Variants in ZCWPW1 observed in about 807,000 individuals in gnomAD.
The protein encoded by ZCWPW1 is zinc finger CW-type and PWWP domain containing 1.
A neutral mutation model predicts 81.3 loss-of-function variants in ZCWPW1; 56 were observed. The ratio of observed to expected loss-of-function variants is 0.69; its 90% CI spans 0.56 to 0.86. The LOEUF is 0.86. Ranked by LOEUF, ZCWPW1 falls within the 40% of genes least tolerant of loss-of-function variation. ZCWPW1 has a pLI of 0.00. For missense variants in ZCWPW1, 650 were observed against 769.8 expected (o/e 0.84, Z 1.84); for synonymous variants, 250 against 273.7 (o/e 0.91, Z 0.86).
rs919379773 is a variant in ZCWPW1 at position 100,400,935 on chromosome 7, T to C, written c.*79A>G. ...ACACACATTTGAACCTCATAGCCAATGAACAGACCCAGCACTTAGCAACTT... is the reference window on the plus strand; with the variant it reads ...ACACACATTTGAACCTCATAGCCAACGAACAGACCCAGCACTTAGCAACTT... On this transcript the variant is annotated 3_prime_UTR_variant, in exon 18 of 18. Coordinates refer to ENST00000684423, the MANE Select transcript of ZCWPW1 (RefSeq NM_001386010.1). The C allele has an allele frequency of 2.1e-6, 3 of 1,424,404 alleles. No homozygotes were observed. The highest frequency in any genetic ancestry group is 1.9e-6 in the Non-Finnish European group (2 of 1,074,142). 88.2% of individuals were successfully genotyped at this position (1,424,404 alleles called of 1,614,324 possible). A position where few individuals can be genotyped will look rare whatever the true frequency, so the allele number is the denominator to read the frequency against.
intron 8 of ZCWPW1, among the ~76,000 whole-genome samples, chr7:100,412,283 A>C (rs903632473): frequency 1.3e-5 from 2 of 152,240 alleles, no homozygotes; most frequent in African/African-American, 4.8e-5. Context: ...GAGATTCCTA[A>C]GCCGCCTTGC....
chr7:100,411,268 A>T (rs1183718007), intron 8 of ZCWPW1, among the ~76,000 whole-genome samples: 2 of 149,882 alleles, frequency 1.3e-5, no homozygotes, highest in Non-Finnish European at 3.0e-5. Flanking sequence ...TTTCGCAATT[A>T]CTTTTTTTTT....
intron 2 of ZCWPW1, among the ~76,000 whole-genome samples, chr7:100,423,840 G>A (rs1463301849): frequency 2.6e-5 from 4 of 152,214 alleles, no homozygotes; most frequent in Non-Finnish European, 2.9e-5. Flanking sequence ...AGGCTGAAGC[G>A]AGTGGATCAC....
intron 2 of ZCWPW1, among the ~76,000 whole-genome samples, chr7:100,422,929 T>C (rs1370340839): frequency 6.6e-6 from 1 of 152,242 alleles, no homozygotes; most frequent in Non-Finnish European, 1.5e-5. Context: ...TTTATATGGC[T>C]GCATAGTATT....
At position 100,420,380 on chromosome 7, in the gene ZCWPW1, T is replaced by TAA. The variant is rs528939785; in HGVS notation, c.28+241_28+242insTT. Among the ~76,000 whole-genome samples, 10 of 152,326 alleles carry TAA rather than the reference T, an allele frequency of 6.6e-5. No individual in the cohort carries two copies. In the South Asian group the frequency reaches 1.7e-3, roughly 25 times the overall value. ...AATACTCTGCACATAACTGGTGGCA[T>TAA]TTACCACATTCAACTTTATGATAGG... On this transcript the variant is annotated intron_variant, in intron 3 of 17. Transcript: ENST00000684423.
chr7:100,428,130 C>T (rs1157196329), intron 1 of ZCWPW1, among the ~76,000 whole-genome samples: 1 of 152,198 alleles, frequency 6.6e-6, no homozygotes, highest in African/African-American at 2.4e-5. Flanking sequence ...AGCACCTTCA[C>T]CTACAACCAG....
intron 8 of ZCWPW1, among the ~76,000 whole-genome samples, chr7:100,414,568 C>T (rs1794821162): frequency 6.6e-6 from 1 of 152,046 alleles, no homozygotes; most frequent in African/African-American, 2.4e-5. Flanking sequence ...GGCACTACCA[C>T]TACATCCAGC....
In ZCWPW1 at chr7:100,402,579, G is replaced by A. The variant is rs1270049926; in HGVS notation, c.1414-3C>T. 8.7e-6 allele frequency: 14 copies of A among 1,613,880 alleles called. No homozygotes were observed. Among genetic ancestry groups the A allele is most frequent in the Non-Finnish European group, 1.2e-5 (14 of 1,179,916 alleles). On this transcript the variant is annotated splice_region_variant and splice_polypyrimidine_tract_variant and intron_variant, in intron 15 of 17. Transcript: ENST00000684423. ...TTACGAATGGGCAAAATTGGGTCCT[G>A]AGGATGGGAGAGAAAGTTTAAAAAA...
At chr7:100,413,487 A>G (rs1313710410) in intron 8 of ZCWPW1, among the ~76,000 whole-genome samples, 3 of 152,188 alleles carry the variant, frequency 2.0e-5, no homozygotes, top group Admixed American at 6.5e-5. Flanking sequence ...GCCCAATCTT[A>G]CTTCCTCTCA....
intron 1 of ZCWPW1, among the ~76,000 whole-genome samples, chr7:100,425,366 G>A (rs150146289): frequency 2.0e-5 from 3 of 152,194 alleles, no homozygotes; most frequent in Non-Finnish European, 4.4e-5. Flanking sequence ...AAAAGAACCA[G>A]TACAGTTCCA....
chr7:100,406,878 TGGGA>T, intron 11 of ZCWPW1, 80 bp from the exon 12 acceptor site: 4 of 1,317,906 alleles, frequency 3.0e-6, no homozygotes, highest in Non-Finnish European at 4.3e-6. Context: ...ATCGGGAGAA[TGGGA>T]ATTCACCCAG....
Position 100,401,063 on chromosome 7 carries a change from TGCTGCAGCTCCCCGCTCTGCCCCA to T in ZCWPW1, c.1877_1900del (p.Leu626_Gln633del), listed in dbSNP as rs1229044522. ...GAAGTCCTCGCCATCACTGTTGCTGTGCTGCAGCTCCCCGCTCTGCCCCAGCTCTCTCCCAACATCTTCCATGAG... is the reference window on the plus strand; with the variant it reads ...GAAGTCCTCGCCATCACTGTTGCTGTGCTCTCTCCCAACATCTTCCATGAG... On this transcript the variant is annotated inframe_deletion, in exon 18 of 18. Transcript: ENST00000684423. 2 of 1,613,996 alleles carry T rather than the reference TGCTGCAGCTCCCCGCTCTGCCCCA, an allele frequency of 1.2e-6. No homozygotes were observed. Among genetic ancestry groups the T allele is most frequent in the African/African-American group, 2.7e-5 (2 of 74,944 alleles).
At chr7:100,427,867 G>T (rs1797984146) in intron 1 of ZCWPW1, among the ~76,000 whole-genome samples, 1 of 151,370 alleles carries the variant, frequency 6.6e-6, no homozygotes, top group Non-Finnish European at 1.5e-5. Context: ...TGAGCCACAC[G>T]TCCCCCTCTC....
rs1470022710 is a variant in ZCWPW1 at position 100,428,659 on chromosome 7, C to G, written c.-228G>C. 1 of 152,352 alleles carries G rather than the reference C, an allele frequency of 6.6e-6. No homozygotes were observed. The highest frequency in any genetic ancestry group is 1.5e-5 in the Non-Finnish European group (1 of 68,130). 9.4% of individuals were successfully genotyped at this position (152,352 alleles called of 1,614,324 possible). A position where few individuals can be genotyped will look rare whatever the true frequency, so the allele number is the denominator to read the frequency against. On this transcript the variant is annotated 5_prime_UTR_variant, in exon 1 of 18. An upstream start codon of the reference 5' UTR is lost. Transcript: ENST00000684423. ...CCGCTGGCAGGGAGACCGGGCGGCG[C>G]ATCTCCCCGGGAAAACGGCGTAGAC...
intron 4 of ZCWPW1, 148 bp downstream of exon 4, chr7:100,419,481 GA>G (rs898141770): frequency 1.8e-3 from 2,142 of 1,214,748 alleles, no homozygotes; most frequent in South Asian, 2.8e-3. Flanking sequence ...ACCTCTTTGA[GA>G]AAAAAAAAAG....
rs763865979 is a variant in ZCWPW1, at chr7:100,416,328, A to G, written c.608T>C (p.Leu203Ser). 1 of 1,614,122 alleles carries G rather than the reference A, an allele frequency of 6.2e-7. No individual in the cohort carries two copies. Among genetic ancestry groups the G allele is most frequent in the Non-Finnish European group, 8.5e-7 (1 of 1,180,018 alleles). The change falls in exon 7 of 18, where the codon TTA becomes TCA. Residue 203 changes from leucine to serine, a missense_variant. Physicochemically the swap from Leu to Ser is moderately radical, Grantham distance 145. Transcript: ENST00000684423. ...PSKKKSNRLT[L>S]SKRKKEAQDE... ...ACGAGCTTCCTTCTTTCTTTTGCTTAAGGTGAGTCTATTGGATTTCTTCTT... is the reference window on the plus strand; with the variant it reads ...ACGAGCTTCCTTCTTTCTTTTGCTTGAGGTGAGTCTATTGGATTTCTTCTT...
At position 100,404,491 on chromosome 7, in the gene ZCWPW1, T is replaced by C. The variant is rs1345267289; in HGVS notation, c.1255-247A>G. Among the ~76,000 whole-genome samples the C allele has an allele frequency of 3.3e-5, 5 of 152,208 alleles. No homozygotes were observed. In the Middle Eastern group the frequency reaches 0.01, roughly 311 times the overall value. The stretch of plus-strand genomic sequence containing the variant: ...TCCTCCTGCCTTAGCCTCCCAAGTA[T>C]GTGGGACTGCAGGCATGCACCACCA... On this transcript the variant is annotated intron_variant, in intron 13 of 17. Transcript: ENST00000684423.
chr7:100,410,300 T>C (rs987606628), intron 8 of ZCWPW1, among the ~76,000 whole-genome samples: 4 of 152,124 alleles, frequency 2.6e-5, no homozygotes, highest in African/African-American at 9.7e-5. Flanking sequence ...TCTGAACTTC[T>C]ATCTCCTTTC....
At chr7:100,420,708 A>T (rs1357182931) in intron 2 of ZCWPW1, 30 bp from the exon 3 acceptor site, 3 of 1,597,826 alleles carry the variant, frequency 1.9e-6, no homozygotes, top group Non-Finnish European at 2.6e-6. Context: ...AACTGCTATG[A>T]CTCTGATTAA....
Sources: allele counts gnomAD v4.1 joint callset (sites outside exome capture counted in the v4.1 genomes callset), GRCh38; gene constraint gnomAD v4.1.1; transcripts MANE v1.5; gene names NCBI Gene and HGNC (gene_info 2026-07-23, HGNC 2026-07-21).